TUT4: variants seen among roughly 807,000 people sequenced by gnomAD.
The protein encoded by TUT4 is terminal uridylyltransferase 4.
In TUT4, 36 loss-of-function variants were observed where a neutral mutation model predicts 192.2. The observed-to-expected ratio is 0.19, with a 90% CI of 0.14 to 0.25. TUT4 has a LOEUF of 0.25. Among genes scored for constraint, TUT4 ranks in the 10% least tolerant of loss-of-function variants. The probability of loss-of-function intolerance (pLI) is 1.00; values close to 1 mark genes in which losing one functional copy is unlikely to be tolerated. For synonymous variants in TUT4, 618 were observed against 666.0 expected, an observed-to-expected ratio of 0.93 and a Z score of 1.11; for missense variants, 1,493 against 1,957.2, an observed-to-expected ratio of 0.76 and a Z score of 4.47.
intron 26 of TUT4, among the ~76,000 whole-genome samples, chr1:52,436,511 A>T (rs571630406): frequency 6.6e-6 from 1 of 152,232 alleles, no homozygotes; most frequent in East Asian, 1.9e-4. Flanking sequence ...AAAAATAAAA[A>T]TCTAAAGAAT....
chr1:52,522,985 A>ATT (rs1680690299), intron 2 of TUT4, among the ~76,000 whole-genome samples: 2 of 97,892 alleles, frequency 2.0e-5, no homozygotes, highest in Admixed American at 1.4e-4. Flanking sequence ...ACCCTTAACT[A>ATT]TCTTTTTTTT....
At chr1:52,536,650 C>T (rs1254688099) in intron 1 of TUT4, among the ~76,000 whole-genome samples, 1 of 149,088 alleles carries the variant, frequency 6.7e-6, no homozygotes, top group African/African-American at 2.5e-5. Flanking sequence ...ATCAGGAGTT[C>T]ACAACCAGCC....
intron 5 of TUT4, 38 bp downstream of exon 5, chr1:52,496,968 T>C (rs774054447): frequency 9.4e-6 from 15 of 1,590,756 alleles, no homozygotes; most frequent in African/African-American, 5.4e-5. Context: ...GGGAAGAGTT[T>C]TGTGATTTTC....
intron 2 of TUT4, among the ~76,000 whole-genome samples, chr1:52,519,844 C>T (rs1679760133): frequency 6.6e-6 from 1 of 152,040 alleles, no homozygotes; most frequent in Non-Finnish European, 1.5e-5. Context: ...AAAAAATTGA[C>T]CCAACAGCAA....
intron 1 of TUT4, among the ~76,000 whole-genome samples, chr1:52,535,531 T>C (rs1334868033): frequency 6.6e-6 from 1 of 152,192 alleles, no homozygotes; most frequent in Non-Finnish European, 1.5e-5. Context: ...CCCTGGGCAA[T>C]ACTGTTCATT....
At chr1:52,499,049 C>G (rs1258748957) in intron 4 of TUT4, among the ~76,000 whole-genome samples, 1 of 148,294 alleles carries the variant, frequency 6.7e-6, no homozygotes, top group African/African-American at 2.5e-5. Context: ...TGACAAAGAA[C>G]AAAGCTGGAG....
At chr1:52,466,492 G>A (rs1664171681) in intron 15 of TUT4, among the ~76,000 whole-genome samples, 1 of 151,352 alleles carries the variant, frequency 6.6e-6, no homozygotes, top group Admixed American at 6.6e-5. Flanking sequence ...AAAATAATGT[G>A]CTGGGTGTGG....
chr1:52,537,358 C>CT (rs1685217285), intron 1 of TUT4, among the ~76,000 whole-genome samples: 1 of 151,948 alleles, frequency 6.6e-6, no homozygotes, highest in South Asian at 2.1e-4. Flanking sequence ...TAAAATAACA[C>CT]TTTAAGTCAA....
chr1:52,466,798 G>A (rs560355004), intron 15 of TUT4, among the ~76,000 whole-genome samples: 1 of 151,538 alleles, frequency 6.6e-6, no homozygotes, highest in East Asian at 2.0e-4. Flanking sequence ...AGCCTGAGTA[G>A]CTGGGACTAC....
chr1:52,488,893 CCT>C lies in TUT4; in HGVS notation c.1515+14_1515+15del. 1.3e-6 allele frequency: 2 copies of C among 1,586,078 alleles called. No homozygotes were observed. The highest frequency in any genetic ancestry group is 1.7e-4 in the Middle Eastern group (1 of 5,906). On this transcript the variant is annotated intron_variant, in intron 9 of 29. Transcript: ENST00000257177. ...TCTAAAAATATAAATAAGTAGTTTT[CCT>C]CTCTTTCACTTACCTTAGCCCAGTA...
intron 28 of TUT4, among the ~76,000 whole-genome samples, chr1:52,430,279 G>A (rs1366298445): frequency 6.6e-6 from 1 of 151,852 alleles, no homozygotes; most frequent in African/African-American, 2.4e-5. Context: ...AATTTTTTTG[G>A]TTTCCTTGAT....
intron 20 of TUT4, among the ~76,000 whole-genome samples, chr1:52,450,523 A>G (rs1302370963): frequency 5.9e-5 from 9 of 152,234 alleles, no homozygotes; most frequent in Admixed American, 5.9e-4. Flanking sequence ...CAATAATAAT[A>G]GCAATAATGC....
intron 20 of TUT4, among the ~76,000 whole-genome samples, chr1:52,454,716 A>T (rs1660378238): frequency 1.3e-5 from 2 of 152,198 alleles, no homozygotes; most frequent in South Asian, 4.1e-4. Flanking sequence ...AATTGACAAG[A>T]TGGACTTTAC....
rs528150658 is a variant in TUT4, at chr1:52,546,427, T to C, written c.-94+6504A>G. On this transcript the variant is annotated intron_variant, in intron 1 of 29. Transcript: ENST00000257177. The stretch of plus-strand genomic sequence containing the variant: ...TGAACCTTGAGGACACTATGCTAAG[T>C]GAAATAAGCCACAAGACAAATATTG... Among the ~76,000 whole-genome samples, 111 of 152,314 alleles carry C rather than the reference T, an allele frequency of 7.3e-4. 1 individual carries two copies. Among genetic ancestry groups the C allele is most frequent in the Non-Finnish European group, 1.4e-3 (95 of 68,018 alleles).
chr1:52,466,645 CA>C (rs71579929), intron 15 of TUT4, among the ~76,000 whole-genome samples: 3,986 of 118,246 alleles, frequency 0.034, 77 homozygotes, highest in African/African-American at 0.052. Flanking sequence ...TATCCTATTT[CA>C]AAAAAAAAAA....
chr1:52,439,274 T>C (rs1253370179), intron 24 of TUT4, among the ~76,000 whole-genome samples: 1 of 152,010 alleles, frequency 6.6e-6, no homozygotes, highest in African/African-American at 2.4e-5. Flanking sequence ...AAAAAGCAAT[T>C]ATCTGGTTTA....
chr1:52,494,669 G>T (rs957018815), intron 6 of TUT4, among the ~76,000 whole-genome samples: 2 of 152,156 alleles, frequency 1.3e-5, no homozygotes, highest in African/African-American at 4.8e-5. Flanking sequence ...TCCAGCCTGG[G>T]AAACAAAGTG....
chr1:52,478,576 C>A (rs751521151), intron 11 of TUT4, among the ~76,000 whole-genome samples: 3 of 152,194 alleles, frequency 2.0e-5, no homozygotes, highest in African/African-American at 7.2e-5. Context: ...CCACTGGGTC[C>A]ATGCGGTGAA....
intron 1 of TUT4, among the ~76,000 whole-genome samples, chr1:52,530,760 T>C (rs986476748): frequency 4.6e-5 from 7 of 152,162 alleles, no homozygotes; most frequent in Non-Finnish European, 1.0e-4. Context: ...CTCAGCTGCA[T>C]AGGAGGCTGA....
Sources: allele counts gnomAD v4.1 joint callset (sites outside exome capture counted in the v4.1 genomes callset), GRCh38; gene constraint gnomAD v4.1.1; transcripts MANE v1.5; gene names NCBI Gene and HGNC (gene_info 2026-07-23, HGNC 2026-07-21).